Variants in CHD6 observed in about 807,000 individuals in gnomAD.
CHD6 encodes the protein chromodomain helicase DNA binding protein 6.
CHD6 carries 50 observed loss-of-function variants against 276.9 expected under a neutral mutation model. The ratio of observed to expected loss-of-function variants is 0.18; its 90% confidence interval spans 0.14 to 0.23. The LOEUF (loss-of-function observed/expected upper bound fraction) is 0.23, where lower values mean the gene tolerates loss of function less well. CHD6 is among the 10% of genes least tolerant of loss of function. The pLI, the probability that CHD6 is intolerant of heterozygous loss-of-function variation, is 1.00. For missense variants in CHD6, 2,564 were observed against 3,365.8 expected (o/e 0.76, Z 5.89); for synonymous variants, 1,173 against 1,229.3 (o/e 0.95, Z 0.96).
chr20:41,561,401 C>T (rs2045299880), intron 1 of CHD6, among the ~76,000 whole-genome samples: 1 of 152,274 alleles, frequency 6.6e-6, no homozygotes, highest in South Asian at 2.1e-4. Flanking sequence ...TCCTAAAATG[C>T]TCCTCTAAAA....
chr20:41,465,631 T>A (rs934862914), intron 17 of CHD6, among the ~76,000 whole-genome samples: 7 of 152,180 alleles, frequency 4.6e-5, no homozygotes, highest in Admixed American at 1.3e-4. Context: ...GTCTGTAGAT[T>A]AGTTAAAGAG....
chr20:41,447,316 T>A (rs575394431), intron 24 of CHD6, among the ~76,000 whole-genome samples: 2 of 152,336 alleles, frequency 1.3e-5, no homozygotes, highest in African/African-American at 4.8e-5. Context: ...GTGATCCCAT[T>A]TATAAACTGG....
chr20:41,523,245 A>G (rs1282526552), intron 3 of CHD6, among the ~76,000 whole-genome samples: 2 of 152,180 alleles, frequency 1.3e-5, no homozygotes, highest in Non-Finnish European at 2.9e-5. Flanking sequence ...GAGAGTTCTG[A>G]ATAATACAAA....
intron 1 of CHD6, among the ~76,000 whole-genome samples, chr20:41,554,116 G>A (rs1002771876): frequency 6.6e-6 from 1 of 152,168 alleles, no homozygotes; most frequent in African/African-American, 2.4e-5. Context: ...CTGTACTCCA[G>A]CCTAGGTGAC....
intron 11 of CHD6, among the ~76,000 whole-genome samples, chr20:41,491,081 C>A (rs2043541560): frequency 6.6e-6 from 1 of 152,004 alleles, no homozygotes; most frequent in South Asian, 2.1e-4. Flanking sequence ...GAGGACATTA[C>A]CGCACACCAC....
At chr20:41,419,761 A>G (rs1390733117) in intron 31 of CHD6, among the ~76,000 whole-genome samples, 1 of 151,934 alleles carries the variant, frequency 6.6e-6, no homozygotes, top group East Asian at 1.9e-4. Context: ...GCCTTCTTGG[A>G]TCTGAAAAAA....
chr20:41,597,872 G>A (rs2045734344), intron 1 of CHD6, among the ~76,000 whole-genome samples: 1 of 152,056 alleles, frequency 6.6e-6, no homozygotes, highest in South Asian at 2.1e-4. Flanking sequence ...TCTCTACTTT[G>A]CCCTTCTTGG....
At chr20:41,456,091 G>T in intron 18 of CHD6, 112 bp from the exon 19 acceptor site, 1 of 1,043,180 alleles carries the variant, frequency 9.6e-7, no homozygotes, top group Non-Finnish European at 1.3e-6. Context: ...CTACATGTTA[G>T]AACAAAGGAC....
intron 4 of CHD6, 113 bp from the exon 5 acceptor site, chr20:41,513,108 C>A (rs1293513976): frequency 2.7e-6 from 3 of 1,129,894 alleles, no homozygotes; most frequent in Admixed American, 2.2e-5. Flanking sequence ...TCTTGCCTTA[C>A]AAAAGAAATC....
intron 5 of CHD6, among the ~76,000 whole-genome samples, chr20:41,512,399 G>A (rs1189185034): frequency 6.6e-6 from 1 of 151,884 alleles, no homozygotes; most frequent in Non-Finnish European, 1.5e-5. Context: ...TGGGATGAGG[G>A]GCAGGAATCT....
At chr20:41,509,449 G>T (rs1349424931) in intron 5 of CHD6, among the ~76,000 whole-genome samples, 1 of 152,144 alleles carries the variant, frequency 6.6e-6, no homozygotes, top group Non-Finnish European at 1.5e-5. Flanking sequence ...ATATTAGAGT[G>T]CCCTAAGAGC....
chr20:41,431,776 C>CTTTTTTTTTTTTTTTTTTTTTT (rs61227802), intron 27 of CHD6, among the ~76,000 whole-genome samples: 3 of 104,758 alleles, frequency 2.9e-5, no homozygotes, highest in Non-Finnish European at 5.9e-5. Flanking sequence ...AAAAAACATG[C>CTTTTTTTTTTTTTTTTTTTTTT]TTTTTTTTTT....
At chr20:41,450,445 T>C (rs2145655097) in intron 23 of CHD6, among the ~76,000 whole-genome samples, 1 of 152,298 alleles carries the variant, frequency 6.6e-6, no homozygotes, top group African/African-American at 2.4e-5. Context: ...AACAAAGTTT[T>C]GTTTTTCAAT....
intron 3 of CHD6, 109 bp downstream of exon 3, chr20:41,532,941 G>T: frequency 1.6e-6 from 2 of 1,252,690 alleles, no homozygotes; most frequent in Non-Finnish European, 2.2e-6. Flanking sequence ...TGAAGCTTAG[G>T]CCCACAGGAG....
chr20:41,567,637 C>G (rs1172958556), intron 1 of CHD6, among the ~76,000 whole-genome samples: 1 of 152,000 alleles, frequency 6.6e-6, no homozygotes, highest in Non-Finnish European at 1.5e-5. Flanking sequence ...GCATTTGGTA[C>G]CAGGCCCTCC....
At position 41,425,317 on chromosome 20, in the gene CHD6, T is replaced by C. The variant is rs1249149995; in HGVS notation, c.4207A>G (p.Thr1403Ala). Residue 1403 changes from threonine (T) to alanine (A), a missense_variant, in exon 29 of 37, where the codon ACT (threonine) becomes GCT (alanine). Thr to Ala is a moderately conservative substitution (Grantham distance 58). Coordinates refer to ENST00000373233, the MANE Select transcript of CHD6 (RefSeq NM_032221.5). ...ALTARLRRLV[T>A]VYQRCNRKEL... Reference sequence around the variant, plus strand: ...TTGCGGTTGCAGCGCTGGTAAACAGTGACCAGACGTCTGAGACGAGCTGTG... The same window carrying C: ...TTGCGGTTGCAGCGCTGGTAAACAGCGACCAGACGTCTGAGACGAGCTGTG... 6.2e-7 allele frequency: 1 copy of C among 1,614,212 alleles called. No individual in the cohort carries two copies. The highest frequency in any genetic ancestry group is 2.2e-5 in the East Asian group (1 of 44,880).
At chr20:41,457,556 G>C (rs897861941) in intron 17 of CHD6, 128 bp from the exon 18 acceptor site, 1 of 1,116,212 alleles carries the variant, frequency 9.0e-7, no homozygotes, top group Non-Finnish European at 1.3e-6. Context: ...TAACAGGACT[G>C]ATTTCAGAAC....
chr20:41,414,625 A>T, intron 34 of CHD6: 1 of 200,076 alleles, frequency 5.0e-6, no homozygotes, highest in Non-Finnish European at 1.0e-5. Context: ...TTGTTTGCAA[A>T]TGATTTCCTT....
In CHD6 at chr20:41,603,436, T is replaced by C. The variant is rs112141548; in HGVS notation, c.-24+14904A>G. Among the ~76,000 whole-genome samples, 1,161 of 152,378 alleles carry C rather than the reference T, an allele frequency of 7.6e-3. 18 individuals are homozygous for C. The highest frequency in any genetic ancestry group is 0.026 in the African/African-American group (1,098 of 41,590). ...ATAGTGTTTTTATCACTATGAGTTA[T>C]GGTTGCAAGATTACAAAACTCTAGT... On this transcript the variant is annotated intron_variant, in intron 1 of 36. Transcript: ENST00000373233.
Sources: gnomAD v4.1 joint callset for allele counts (sites outside exome capture counted in the v4.1 genomes callset) on GRCh38, gnomAD v4.1.1 for gene constraint, MANE v1.5 for transcripts, NCBI Gene and HGNC (gene_info 2026-07-23, HGNC 2026-07-21) for gene names.